FOXP1: variants seen among roughly 807,000 people sequenced by gnomAD.
FOXP1 encodes the protein forkhead box protein P1.
In FOXP1, 15 loss-of-function variants were observed where a neutral mutation model predicts 98.2. The observed-to-expected ratio is 0.15, with a 90% CI of 0.10 to 0.24. The LOEUF (loss-of-function observed/expected upper bound fraction) is 0.24, where lower values mean the gene tolerates loss of function less well. Among genes scored for constraint, FOXP1 ranks in the 10% least tolerant of loss-of-function variants. The pLI, the probability that FOXP1 is intolerant of heterozygous loss-of-function variation, is 1.00. For missense variants in FOXP1, 633 were observed against 848.5 expected, an observed-to-expected ratio of 0.75 and a Z score of 3.15; for synonymous variants, 371 against 314.5, an observed-to-expected ratio of 1.18 and a Z score of -1.90.
intron 6 of FOXP1, among the ~76,000 whole-genome samples, chr3:71,138,128 C>A (rs998576023): frequency 5.9e-5 from 9 of 152,166 alleles, no homozygotes; most frequent in African/African-American, 2.2e-4. Context: ...GAGCTCTAGT[C>A]CTTTTTCTAA....
In FOXP1 at chr3:71,354,666, C is replaced by T. The variant is rs1355232563; in HGVS notation, c.-73+4484G>A. ...AATCAAGGTTCTTTGCCATCTTTGC[C>T]ACCTCTAAAATGAACATCAGAAGAA... On this transcript the variant is annotated intron_variant, in intron 4 of 20. Transcript: ENST00000649528. Among the ~76,000 whole-genome samples the T allele has an allele frequency of 2.6e-5, 4 of 152,334 alleles. No homozygotes were observed. The East Asian group carries it at 7.7e-4, about 29-fold the overall frequency.
intron 4 of FOXP1, among the ~76,000 whole-genome samples, chr3:71,325,709 T>C (rs1257634074): frequency 2.0e-5 from 3 of 152,002 alleles, no homozygotes; most frequent in Non-Finnish European, 2.9e-5. Flanking sequence ...GGTCTCACTA[T>C]GTTGTCCAGG....
At chr3:71,337,588 T>C (rs768619248) in intron 4 of FOXP1, among the ~76,000 whole-genome samples, 3 of 152,234 alleles carry the variant, frequency 2.0e-5, no homozygotes, top group Non-Finnish European at 4.4e-5. Context: ...ATATTGGCTA[T>C]TCTTTGAAGT....
At chr3:71,305,687 C>T (rs1207108507) in intron 4 of FOXP1, 1 of 152,232 alleles carries the variant, frequency 6.6e-6, no homozygotes, top group African/African-American at 2.4e-5. Flanking sequence ...ACGAGCCTTT[C>T]TCTGCGAGTC....
Position 71,367,310 on chromosome 3 carries a change from T to TCACATA in FOXP1, c.-167-8072_-167-8067dup, listed in dbSNP as rs545281439. ...TGATCAGCATTCATCAGTGTCTCTC[T>TCACATA]CACATACACATACACACTCCCTCTC... On this transcript the variant is annotated intron_variant, in intron 3 of 20. Coordinates refer to ENST00000649528, the MANE Select transcript of FOXP1 (RefSeq NM_001349338.3). Among the ~76,000 whole-genome samples, 302 of 152,254 alleles carry TCACATA rather than the reference T, an allele frequency of 2.0e-3. 2 individuals carry two copies. The highest frequency in any genetic ancestry group is 7.0e-3 in the African/African-American group (290 of 41,536).
chr3:71,036,066 T>C (rs1454665413), intron 11 of FOXP1, among the ~76,000 whole-genome samples: 1 of 152,230 alleles, frequency 6.6e-6, no homozygotes, highest in Non-Finnish European at 1.5e-5. Flanking sequence ...AACACAAATG[T>C]TATTGTTACA....
At chr3:71,275,412 G>GT (rs2070783801) in intron 5 of FOXP1, among the ~76,000 whole-genome samples, 1 of 152,208 alleles carries the variant, frequency 6.6e-6, no homozygotes, top group African/African-American at 2.4e-5. Context: ...GTCCCTAGAA[G>GT]TAACAGTCGC....
intron 3 of FOXP1, among the ~76,000 whole-genome samples, chr3:71,365,209 C>A (rs956250336): frequency 2.0e-5 from 3 of 152,158 alleles, no homozygotes; most frequent in Non-Finnish European, 4.4e-5. Flanking sequence ...AGACTCTGGT[C>A]AGCACTTTCA....
At chr3:71,024,565 C>T (rs1003021519) in intron 11 of FOXP1, among the ~76,000 whole-genome samples, 8 of 152,152 alleles carry the variant, frequency 5.3e-5, no homozygotes, top group African/African-American at 1.2e-4. Flanking sequence ...TTCTCTCTCA[C>T]GCAGGGAATC....
At chr3:71,553,190 T>C (rs2045896602) in intron 2 of FOXP1, among the ~76,000 whole-genome samples, 2 of 152,142 alleles carry the variant, frequency 1.3e-5, no homozygotes, top group African/African-American at 2.4e-5. Context: ...AATTCTACTA[T>C]GTGGTATTGA....
intron 14 of FOXP1, among the ~76,000 whole-genome samples, chr3:70,979,257 G>GTGAT (rs1375104035): frequency 9.5e-5 from 11 of 115,600 alleles, no homozygotes; most frequent in Middle Eastern, 6.2e-3. Flanking sequence ...TCCAGCCTGG[G>GTGAT]TGATAGAGTG....
At position 71,184,535 on chromosome 3, in the gene FOXP1, C is replaced by T. The variant is rs113430061; in HGVS notation, c.180+13667G>A. Among the ~76,000 whole-genome samples the T allele has an allele frequency of 9.9e-5, 15 of 152,252 alleles. 1 individual carries two copies. Among genetic ancestry groups the T allele is most frequent in the African/African-American group, 3.1e-4 (13 of 41,552 alleles). ...ATATGACCTTACTTTCCAGAGTTTG[C>T]TTCAGAGCTGGCGTGTACAGTGCTA... is the stretch of plus-strand genomic sequence containing the variant. On this transcript the variant is annotated intron_variant, in intron 6 of 20. Transcript: ENST00000649528.
rs2031529074 is a variant in FOXP1, at chr3:70,955,399, G to C, written c.*3848C>G. The C allele has an allele frequency of 4.3e-6, 1 of 232,666 alleles. No individual in the cohort carries two copies. The highest frequency in any genetic ancestry group is 8.5e-6 in the Non-Finnish European group (1 of 117,788). The allele number at this position is 232,666 out of a possible 1,614,324, so 14.4% of individuals were successfully genotyped here. A position where few individuals can be genotyped will look rare whatever the true frequency, so the allele number is the denominator to read the frequency against. ...GCCTTGATATTCCATTTTGTGGCTG[G>C]TCCAAGGGGCAGCCTAACTCATCTT... is the stretch of plus-strand genomic sequence containing the variant. On this transcript the variant is annotated 3_prime_UTR_variant, in exon 21 of 21. Transcript: ENST00000649528.
chr3:71,222,452 T>C (rs2065472301), intron 5 of FOXP1, among the ~76,000 whole-genome samples: 2 of 152,010 alleles, frequency 1.3e-5, no homozygotes. Flanking sequence ...GGAGTCTCGC[T>C]CTGTCGCCCA....
intron 5 of FOXP1, among the ~76,000 whole-genome samples, chr3:71,246,873 A>C (rs928150244): frequency 2.6e-5 from 4 of 152,234 alleles, no homozygotes; most frequent in Admixed American, 2.6e-4. Flanking sequence ...CTAGCTATTT[A>C]TGTATACGCT....
At chr3:71,159,565 G>A (rs2061027952) in intron 6 of FOXP1, among the ~76,000 whole-genome samples, 1 of 152,158 alleles carries the variant, frequency 6.6e-6, no homozygotes, top group Non-Finnish European at 1.5e-5. Context: ...TTCTCTTCCT[G>A]GAGAGCTTTT....
At chr3:71,310,141 T>A (rs888612208) in intron 4 of FOXP1, among the ~76,000 whole-genome samples, 2 of 152,220 alleles carry the variant, frequency 1.3e-5, no homozygotes, top group African/African-American at 4.8e-5. Flanking sequence ...CAATGGATGA[T>A]CAGAATCTAT....
chr3:71,348,002 T>C (rs756194041), intron 4 of FOXP1, among the ~76,000 whole-genome samples: 4 of 152,168 alleles, frequency 2.6e-5, no homozygotes, highest in Admixed American at 6.5e-5. Flanking sequence ...TGTATTCCTA[T>C]ACATGTACAC....
intron 1 of FOXP1, chr3:71,581,934 T>G (rs2048205644): frequency 1.0e-6 from 1 of 968,668 alleles, no homozygotes; most frequent in Middle Eastern, 5.3e-4. Flanking sequence ...TTCCCCAGGA[T>G]CTCACAAAGT....
Sources: allele counts gnomAD v4.1 joint callset (sites outside exome capture counted in the v4.1 genomes callset), GRCh38; gene constraint gnomAD v4.1.1; transcripts MANE v1.5; gene names NCBI Gene and HGNC (gene_info 2026-07-23, HGNC 2026-07-21).